Variants in PAAF1 observed in about 807,000 individuals in gnomAD.
The protein encoded by PAAF1 is proteasomal ATPase-associated factor 1.
PAAF1 carries 46 observed loss-of-function variants against 52.8 expected under a neutral mutation model. The observed-to-expected ratio is 0.87, with a 90% CI of 0.69 to 1.11. The LOEUF (loss-of-function observed/expected upper bound fraction) is 1.11. PAAF1 is among the 50% of genes most tolerant of loss of function. PAAF1 has a pLI of 0.00. For synonymous variants in PAAF1, 178 were observed against 172.8 expected (o/e 1.03, Z -0.24); for missense variants, 424 against 477.4 (o/e 0.89, Z 1.04).
At chr11:73,894,605 C>T (rs1268200567) in intron 4 of PAAF1, among the ~76,000 whole-genome samples, 2 of 151,384 alleles carry the variant, frequency 1.3e-5, no homozygotes, top group Admixed American at 6.6e-5. Context: ...ACATTGTGCA[C>T]GTGTACCCTA....
At chr11:73,919,057 A>G in intron 10 of PAAF1, 25 bp downstream of exon 10, 10 of 1,577,352 alleles carry the variant, frequency 6.3e-6, no homozygotes, top group Non-Finnish European at 8.7e-6. Context: ...CAATTGAGAG[A>G]GATGCTTCTC....
At chr11:73,914,315 G>A (rs945966303) in intron 7 of PAAF1, 98 bp from the exon 8 acceptor site, 20 of 954,638 alleles carry the variant, frequency 2.1e-5, no homozygotes, top group African/African-American at 6.5e-5. Context: ...TAAGTGAATC[G>A]CTAACAAAAT....
At chr11:73,911,411 G>T (rs945918938) in intron 7 of PAAF1, among the ~76,000 whole-genome samples, 1 of 151,624 alleles carries the variant, frequency 6.6e-6, no homozygotes, top group Admixed American at 6.6e-5. Flanking sequence ...TTGAACTCAT[G>T]GCCTCAAGTG....
rs1950413196 is a variant in PAAF1, at chr11:73,928,621, C to T, written c.*1259C>T. 1 of 152,150 alleles carries T rather than the reference C, an allele frequency of 6.6e-6. No homozygotes were observed. The highest frequency in any genetic ancestry group is 2.4e-5 in the African/African-American group (1 of 41,438). 9.4% of individuals were successfully genotyped at this position (152,150 alleles called of 1,614,324 possible). On this transcript the variant is annotated 3_prime_UTR_variant, in exon 12 of 12. Coordinates refer to ENST00000310571, the MANE Select transcript of PAAF1 (RefSeq NM_025155.3). Reference sequence around the variant, plus strand: ...TTTTGAGATTATTAGAGAAAAGTTTCTTGAAAGATGTAACACTTGAGCTGG... The same window carrying T: ...TTTTGAGATTATTAGAGAAAAGTTTTTTGAAAGATGTAACACTTGAGCTGG...
intron 4 of PAAF1, among the ~76,000 whole-genome samples, chr11:73,892,325 C>CAAAA (rs150332375): frequency 1.5e-4 from 12 of 81,708 alleles, no homozygotes; most frequent in African/African-American, 2.9e-4. Flanking sequence ...ACTGTCTCAC[C>CAAAA]AAAAAAAAAA....
At chr11:73,920,358 C>T (rs1168642658) in intron 10 of PAAF1, among the ~76,000 whole-genome samples, 2 of 151,454 alleles carry the variant, frequency 1.3e-5, no homozygotes, top group East Asian at 3.9e-4. Context: ...ACATAGGAGA[C>T]CCTGTCTCTA....
intron 6 of PAAF1, 98 bp from the exon 7 acceptor site, chr11:73,909,301 T>C (rs1168809377): frequency 1.8e-6 from 2 of 1,082,214 alleles, no homozygotes; most frequent in Non-Finnish European, 2.7e-6. Flanking sequence ...CAGAACATGT[T>C]TGTGAAGGGA....
chr11:73,924,726 G>A, intron 11 of PAAF1, 29 bp downstream of exon 11: 1 of 1,576,478 alleles, frequency 6.3e-7, no homozygotes, highest in Non-Finnish European at 8.7e-7. Flanking sequence ...ACCAGACCTG[G>A]GTGATTCTCA....
rs1949562170 is a variant in PAAF1 at position 73,900,352 on chromosome 11, A to T, written c.464A>T (p.Asp155Val). 1.2e-6 allele frequency: 2 copies of T among 1,612,750 alleles called. No individual in the cohort carries two copies. The highest frequency in any genetic ancestry group is 1.7e-6 in the Non-Finnish European group (2 of 1,179,122). ...CTTGTGGTCCTGAGTGGGGGAATGG[A>T]TGCCCAGCTGAAGATATGGTCAGCT... ...SGLVVLSGGM[D>V]AQLKIWSAED... is the part of the protein sequence containing the mutation. The change falls in exon 6 of 12, where the codon GAT becomes GTT. Residue 155 changes from aspartate to valine, a missense_variant. By Grantham distance (152) the Asp-to-Val change is radical. Coordinates refer to ENST00000310571, the MANE Select transcript of PAAF1 (RefSeq NM_025155.3).
At chr11:73,920,686 C>G (rs185329069) in intron 10 of PAAF1, among the ~76,000 whole-genome samples, 1 of 151,146 alleles carries the variant, frequency 6.6e-6, no homozygotes, top group Admixed American at 6.6e-5. Flanking sequence ...AACGCTGTCT[C>G]TACTAAAAAT....
chr11:73,918,352 A>ATTTTTTTT (rs1157984685), intron 9 of PAAF1, among the ~76,000 whole-genome samples: 9 of 71,734 alleles, frequency 1.3e-4, no homozygotes, highest in Non-Finnish European at 1.8e-4. Context: ...CAGTTACTTA[A>ATTTTTTTT]TTTTTTTTTT....
intron 4 of PAAF1, among the ~76,000 whole-genome samples, chr11:73,897,224 G>T (rs565308856): frequency 0.027 from 2,950 of 107,806 alleles, 128 homozygotes; most frequent in African/African-American, 0.046. Context: ...CGGCTGGCCG[G>T]GCGGGGGGCT....
rs1253423659 is a variant in PAAF1, at chr11:73,929,499, C to T, written c.*2137C>T. On this transcript the variant is annotated 3_prime_UTR_variant, in exon 12 of 12. Transcript: ENST00000310571. ...TCTAATTCTTACAAGACTCAAAAAG[C>T]GAATGTTATTATTTGTTTTATTCCG... is the stretch of plus-strand genomic sequence containing the variant. 1.3e-5 allele frequency: 2 copies of T among 152,158 alleles called. No homozygotes were observed. Among genetic ancestry groups the T allele is most frequent in the Non-Finnish European group, 2.9e-5 (2 of 68,032 alleles). 9.4% of individuals were successfully genotyped at this position (152,158 alleles called of 1,614,324 possible). A position where few individuals can be genotyped will look rare whatever the true frequency, so the allele number is the denominator to read the frequency against.
intron 11 of PAAF1, among the ~76,000 whole-genome samples, chr11:73,926,813 C>T (rs951640045): frequency 6.6e-6 from 1 of 152,104 alleles, no homozygotes; most frequent in Non-Finnish European, 1.5e-5. Flanking sequence ...GAGAAAGTTG[C>T]CCTAGGTCAT....
chr11:73,918,867 T>C (rs1950138955), intron 9 of PAAF1, 83 bp from the exon 10 acceptor site: 4 of 945,674 alleles, frequency 4.2e-6, no homozygotes, highest in Non-Finnish European at 5.0e-6. Context: ...TTTGCTCTTA[T>C]GTGGTTAGTA....
intron 11 of PAAF1, 71 bp downstream of exon 11, chr11:73,924,768 C>T: frequency 8.2e-7 from 1 of 1,221,048 alleles, no homozygotes; most frequent in Non-Finnish European, 1.2e-6. Flanking sequence ...GAGACTGAAT[C>T]CAGATACCTT....
chr11:73,903,951 G>A (rs1949692508), intron 6 of PAAF1, among the ~76,000 whole-genome samples: 2 of 151,502 alleles, frequency 1.3e-5, no homozygotes, highest in Admixed American at 1.3e-4. Flanking sequence ...AGGTGTAGTG[G>A]TGTGCGCCTG....
chr11:73,887,260 A>T, intron 2 of PAAF1, 94 bp from the exon 3 acceptor site: 1 of 815,184 alleles, frequency 1.2e-6, no homozygotes, highest in Non-Finnish European at 1.9e-6. Context: ...TTTCATGGGT[A>T]TACTATTTAT....
At chr11:73,906,633 A>C (rs186499049) in intron 6 of PAAF1, among the ~76,000 whole-genome samples, 325 of 152,272 alleles carry the variant, frequency 2.1e-3, no homozygotes, top group Non-Finnish European at 3.2e-3. Flanking sequence ...GCTTTTAATG[A>C]TATTTTCTCA....
Sources: gnomAD v4.1 joint callset for allele counts (sites outside exome capture counted in the v4.1 genomes callset) on GRCh38, gnomAD v4.1.1 for gene constraint, MANE v1.5 for transcripts, NCBI Gene and HGNC (gene_info 2026-07-23, HGNC 2026-07-21) for gene names.